The following FBLN5 variants were observed in gnomAD, a reference collection of about 807,000 sequenced individuals.
FBLN5 encodes the protein fibulin 5.
In FBLN5, 24 loss-of-function variants were observed where a neutral mutation model predicts 61.6. The ratio of observed to expected loss-of-function variants is 0.39; its 90% CI spans 0.28 to 0.55. The LOEUF is 0.55. FBLN5 is among the 20% of genes least tolerant of loss of function. The pLI, the probability that FBLN5 is intolerant of heterozygous loss-of-function variation, is 0.65. For missense variants in FBLN5, 470 were observed against 594.1 expected, an observed-to-expected ratio of 0.79 and a Z score of 2.17; for synonymous variants, 213 against 219.8, an observed-to-expected ratio of 0.97 and a Z score of 0.27.
chr14:91,900,821 G>A (rs1249157354), intron 4 of FBLN5, among the ~76,000 whole-genome samples: 1 of 152,226 alleles, frequency 6.6e-6, no homozygotes, highest in Non-Finnish European at 1.5e-5. Context: ...GGGAGGTGCT[G>A]TTTCTGACAG....
chr14:91,878,516 C>T (rs746436426), intron 9 of FBLN5, among the ~76,000 whole-genome samples: 4 of 152,140 alleles, frequency 2.6e-5, no homozygotes, highest in Admixed American at 1.3e-4. Flanking sequence ...TTGAGACGCG[C>T]GGTGGTGGCC....
At position 91,875,895 on chromosome 14, in the gene FBLN5, C is replaced by T. The variant is rs141523128; in HGVS notation, c.1185+1592G>A. ...ACAATCCAATAGAAATGGAACATGCCTGTGAATCCTAGGGAATTGACGTGA... is the reference window on the plus strand; with the variant it reads ...ACAATCCAATAGAAATGGAACATGCTTGTGAATCCTAGGGAATTGACGTGA... On this transcript the variant is annotated intron_variant, in intron 10 of 10. Coordinates refer to ENST00000342058, the MANE Select transcript of FBLN5 (RefSeq NM_006329.4). Among the ~76,000 whole-genome samples the T allele has an allele frequency of 8.6e-3, 1,308 of 152,322 alleles. 11 individuals are homozygous for T. Among genetic ancestry groups the T allele is most frequent in the African/African-American group, 0.021 (866 of 41,576 alleles).
chr14:91,936,995 G>A lies in FBLN5; in HGVS notation c.331C>T (p.Leu111Phe). The A allele has an allele frequency of 1.2e-6, 2 of 1,614,186 alleles. No individual in the cohort carries two copies. Among genetic ancestry groups the A allele is most frequent in the Non-Finnish European group, 1.7e-6 (2 of 1,180,036 alleles). ...APNYPTISRP[L>F]ICRFGYQMDE... The stretch of plus-strand genomic sequence containing the variant: ...ATCTGGTATCCAAAGCGGCATATAA[G>A]AGGCCTGGAGATCGTGGGATAGTTT... The change falls in exon 4 of 11, where the codon CTT becomes TTT. Residue 111 changes from leucine to phenylalanine, a missense_variant. Coordinates refer to ENST00000342058, the MANE Select transcript of FBLN5 (RefSeq NM_006329.4).
In FBLN5 at chr14:91,881,399, G is replaced by A. The variant is rs1889459169; in HGVS notation, c.882C>T (p.His294=). 2 of 1,614,178 alleles carry A rather than the reference G, an allele frequency of 1.2e-6. No individual in the cohort carries two copies. The highest frequency in any genetic ancestry group is 1.7e-6 in the Non-Finnish European group (2 of 1,180,036). The stretch of plus-strand genomic sequence containing the variant: ...GCTGCAGGTTGCACGTGTGGTTCCT[G>A]TGCTCACATTCGTTGATGTCTGAAA... ...RSCQDINECE[H]RNHTCNLQQT... The change falls in exon 9 of 11, where the codon CAC becomes CAT. Residue 294 remains histidine (H), a synonymous_variant. Transcript: ENST00000342058.
intron 8 of FBLN5, among the ~76,000 whole-genome samples, chr14:91,881,845 GA>G (rs1238515952): frequency 6.6e-6 from 1 of 151,498 alleles, no homozygotes; most frequent in East Asian, 1.9e-4. Context: ...TTTTTATATT[GA>G]ATACATGCTG....
At chr14:91,885,659 C>T (rs765185483) in intron 7 of FBLN5, among the ~76,000 whole-genome samples, 2 of 152,138 alleles carry the variant, frequency 1.3e-5, no homozygotes, top group Non-Finnish European at 2.9e-5. Context: ...AACTGAGACT[C>T]AGGGAGTGAC....
chr14:91,887,378 A>G (rs2139969053), intron 6 of FBLN5, 66 bp from the exon 7 acceptor site: 2 of 1,564,964 alleles, frequency 1.3e-6, no homozygotes, highest in East Asian at 2.2e-5. Flanking sequence ...ACTAGGCAGA[A>G]AAAGCACCAG....
chr14:91,877,889 C>A, intron 9 of FBLN5: 1 of 660,062 alleles, frequency 1.5e-6, no homozygotes. Context: ...GGACTTTTCT[C>A]ACCAACCAGA....
At position 91,881,398 on chromosome 14, in the gene FBLN5, T is replaced by C. The variant is rs1300536073; in HGVS notation, c.883A>G (p.Arg295Gly). Residue 295 changes from arginine to glycine, a missense_variant, in exon 9 of 11, where the codon AGG becomes GGG. Physicochemically the swap from Arg to Gly is moderately radical, Grantham distance 125. Coordinates refer to ENST00000342058, the MANE Select transcript of FBLN5 (RefSeq NM_006329.4). ...SCQDINECEH[R>G]NHTCNLQQTC... The stretch of plus-strand genomic sequence containing the variant: ...TGCTGCAGGTTGCACGTGTGGTTCC[T>C]GTGCTCACATTCGTTGATGTCTGAA... The C allele has an allele frequency of 3.7e-6, 6 of 1,614,102 alleles. No homozygotes were observed. In the Admixed American group the frequency reaches 8.3e-5, roughly 22 times the overall value.
At chr14:91,916,661 A>G (rs148191522) in intron 4 of FBLN5, among the ~76,000 whole-genome samples, 10 of 152,178 alleles carry the variant, frequency 6.6e-5, no homozygotes, top group Non-Finnish European at 1.0e-4. Flanking sequence ...CCATCCCCCA[A>G]TGTCATGGAA....
rs989820504 is a variant in FBLN5, at chr14:91,903,671, C to T, written c.380-8599G>A. On this transcript the variant is annotated intron_variant, in intron 4 of 10. Coordinates refer to ENST00000342058, the MANE Select transcript of FBLN5 (RefSeq NM_006329.4). ...CCACACCAGCGCTCCATTCCCAGAGCCCTGTCTCGGTTAACAGTGCCACCG... is the reference window on the plus strand; with the variant it reads ...CCACACCAGCGCTCCATTCCCAGAGTCCTGTCTCGGTTAACAGTGCCACCG... Among the ~76,000 whole-genome samples, 4 of 152,270 alleles carry T rather than the reference C, an allele frequency of 2.6e-5. No homozygotes were observed. In the South Asian group the frequency reaches 8.3e-4, roughly 32 times the overall value.
rs1467206241 is a variant in FBLN5, at chr14:91,906,116, A to G, written c.380-11044T>C. ...TGACCAGGCTGGTCTCGAACTCCCA[A>G]CCTCAGGTGATCTGCCTGCCTCAGC... On this transcript the variant is annotated intron_variant, in intron 4 of 10. Coordinates refer to ENST00000342058, the MANE Select transcript of FBLN5 (RefSeq NM_006329.4). 9.9e-5 allele frequency among the ~76,000 whole-genome samples: 15 copies of G among 151,422 alleles called. No individual in the cohort carries two copies. In the East Asian group the frequency reaches 2.5e-3, roughly 26 times the overall value.
At chr14:91,884,412 A>G (rs1889632928) in intron 7 of FBLN5, among the ~76,000 whole-genome samples, 1 of 152,198 alleles carries the variant, frequency 6.6e-6, no homozygotes, top group Admixed American at 6.5e-5. Context: ...TTCCACTCAT[A>G]CTTTCAGTAG....
Position 91,882,936 on chromosome 14 carries a change from C to A in FBLN5, c.862+18G>T, listed in dbSNP as rs370017680. Reference sequence around the variant, plus strand: ...CCTCACACATACACCCCAGCCAGGCCCCTCCGGACAGCCTTACCTTGGCAG... The same window carrying A: ...CCTCACACATACACCCCAGCCAGGCACCTCCGGACAGCCTTACCTTGGCAG... On this transcript the variant is annotated intron_variant, in intron 8 of 10. Coordinates refer to ENST00000342058, the MANE Select transcript of FBLN5 (RefSeq NM_006329.4). The surrounding 1 kb of genome is among the most constrained non-coding windows in gnomAD (Gnocchi z 4.9). The A allele has an allele frequency of 6.2e-6, 10 of 1,613,060 alleles. No homozygotes were observed. In the African/African-American group the frequency reaches 1.3e-4, roughly 22 times the overall value.
intron 6 of FBLN5, among the ~76,000 whole-genome samples, chr14:91,888,181 C>T (rs1889816000): frequency 6.6e-6 from 1 of 152,018 alleles, no homozygotes; most frequent in African/African-American, 2.4e-5. Context: ...CGCCTGAGGT[C>T]CCAGCTACCC....
chr14:91,898,133 C>A (rs998253181), intron 4 of FBLN5, among the ~76,000 whole-genome samples: 1 of 152,062 alleles, frequency 6.6e-6, no homozygotes, highest in Non-Finnish European at 1.5e-5. Context: ...AAAATTTTAA[C>A]TTTCACTAAC....
intron 1 of FBLN5, among the ~76,000 whole-genome samples, chr14:91,945,259 A>C (rs1418166293): frequency 6.6e-6 from 1 of 152,128 alleles, no homozygotes; most frequent in Non-Finnish European, 1.5e-5. Flanking sequence ...AATCTAAACA[A>C]AAGCAGAGCG....
intron 5 of FBLN5, among the ~76,000 whole-genome samples, chr14:91,894,201 C>T (rs1890112079): frequency 6.6e-6 from 1 of 151,390 alleles, no homozygotes; most frequent in Admixed American, 6.6e-5. Context: ...GAGTTCGAGA[C>T]CAGCCTGGCC....
chr14:91,943,988 C>A lies in FBLN5; in HGVS notation c.18-1027G>T, dbSNP rs984156217. On this transcript the variant is annotated intron_variant, in intron 1 of 10. Coordinates refer to ENST00000342058, the MANE Select transcript of FBLN5 (RefSeq NM_006329.4). This position sits in a 1 kb window ranked among gnomAD's most constrained non-coding sequence, Gnocchi z 4.0. ...GAGTCTGCAACTCTGCCCTTCGCCA[C>A]GCACAGGCTTTAATCCAGTAAGATT... 1.2e-4 allele frequency among the ~76,000 whole-genome samples: 18 copies of A among 152,296 alleles called. No individual in the cohort carries two copies. Among genetic ancestry groups the A allele is most frequent in the Admixed American group, 3.9e-4 (6 of 15,296 alleles).
Sources: allele counts gnomAD v4.1 joint callset (sites outside exome capture counted in the v4.1 genomes callset), GRCh38; gene constraint gnomAD v4.1.1; non-coding constraint Gnocchi (gnomAD v3.1); transcripts MANE v1.5; gene names NCBI Gene and HGNC (gene_info 2026-07-23, HGNC 2026-07-21).